The following LRPPRC variants were observed in gnomAD, a reference collection of about 807,000 sequenced individuals.
LRPPRC encodes leucine rich pentatricopeptide repeat containing, also known as leucine-rich PPR motif-containing protein, mitochondrial.
LRPPRC carries 120 observed loss-of-function variants against 180.3 expected under a neutral mutation model. That is an observed-to-expected ratio of 0.67 (90% CI 0.57 to 0.77). LRPPRC has a LOEUF of 0.77. LRPPRC is among the 30% of genes least tolerant of loss of function. The pLI is 0.00. For synonymous variants in LRPPRC, 723 were observed against 600.0 expected (o/e 1.21, Z -3.00); for missense variants, 2,012 against 1,657.2 (o/e 1.21, Z -3.72).
intron 23 of LRPPRC, 55 bp from the exon 24 acceptor site, chr2:43,934,933 C>G (rs1672224738): frequency 6.9e-7 from 1 of 1,439,688 alleles, no homozygotes; most frequent in Non-Finnish European, 9.7e-7. Context: ...AGCTTAGTCT[C>G]TTAGTAATAC....
intron 27 of LRPPRC, among the ~76,000 whole-genome samples, chr2:43,921,183 T>TG (rs1418576825): frequency 6.6e-6 from 1 of 152,024 alleles, no homozygotes; most frequent in African/African-American, 2.4e-5. Flanking sequence ...TCCCAACTAC[T>TG]GGGGTGGCTG....
At chr2:43,911,169 T>C (rs1016136447) in intron 30 of LRPPRC, among the ~76,000 whole-genome samples, 5 of 138,252 alleles carry the variant, frequency 3.6e-5, no homozygotes, top group Non-Finnish European at 6.2e-5. Flanking sequence ...TATATATATA[T>C]AAAATTTGAT....
chr2:43,940,391 A>AGT (rs1672435550), intron 23 of LRPPRC, among the ~76,000 whole-genome samples: 1 of 152,238 alleles, frequency 6.6e-6, no homozygotes, highest in South Asian at 2.1e-4. Context: ...AACATATTAA[A>AGT]GTGTTACAGT....
intron 2 of LRPPRC, among the ~76,000 whole-genome samples, chr2:43,981,739 A>G (rs1674317106): frequency 6.6e-6 from 1 of 152,178 alleles, no homozygotes; most frequent in South Asian, 2.1e-4. Flanking sequence ...CACAATCATA[A>G]CATAAATGAC....
intron 29 of LRPPRC, among the ~76,000 whole-genome samples, chr2:43,914,735 AAAG>A (rs924627717): frequency 6.6e-6 from 1 of 152,172 alleles, no homozygotes; most frequent in African/African-American, 2.4e-5. Flanking sequence ...CCTCAAAAAA[AAAG>A]AAAAGAAAAG....
At chr2:43,994,404 G>C (rs547786421) in intron 1 of LRPPRC, among the ~76,000 whole-genome samples, 1 of 152,194 alleles carries the variant, frequency 6.6e-6, no homozygotes, top group African/African-American at 2.4e-5. Context: ...GACTCCTGTA[G>C]TAACCAACAA....
chr2:43,922,520 G>A (rs1459394404), intron 27 of LRPPRC, among the ~76,000 whole-genome samples: 1 of 152,100 alleles, frequency 6.6e-6, no homozygotes, highest in Non-Finnish European at 1.5e-5. Context: ...AAAGCATAAT[G>A]AGGCCAAGGC....
At chr2:43,979,544 A>C (rs1674211325) in intron 3 of LRPPRC, among the ~76,000 whole-genome samples, 1 of 152,220 alleles carries the variant, frequency 6.6e-6, no homozygotes, top group Non-Finnish European at 1.5e-5. Context: ...CTGCTCGGTC[A>C]AATGGTATGT....
At chr2:43,926,065 T>C in intron 25 of LRPPRC, 104 bp from the exon 26 acceptor site, 2 of 715,132 alleles carry the variant, frequency 2.8e-6, no homozygotes, top group South Asian at 1.5e-5. Flanking sequence ...CTGCCAAATA[T>C]ATATACTAAA....
Position 43,926,020 on chromosome 2 carries a change from T to C in LRPPRC, c.2737-59A>G. The stretch of plus-strand genomic sequence containing the variant: ...TAAGGCTTCGGCTGAATATTATTTT[T>C]TTCCTCAAAGACAGTTTCTTTTCTT... On this transcript the variant is annotated intron_variant, in intron 25 of 37. Transcript: ENST00000260665. The C allele has an allele frequency of 3.0e-6, 3 of 1,013,354 alleles. No homozygotes were observed. The South Asian group carries it at 3.8e-5, about 13-fold the overall frequency. The allele number at this position is 1,013,354 out of a possible 1,614,324, so 62.8% of individuals were successfully genotyped here. A position where few individuals can be genotyped will look rare whatever the true frequency, so the allele number is the denominator to read the frequency against.
chr2:43,905,920 CT>C (rs1266179764), intron 30 of LRPPRC, 140 bp from the exon 31 acceptor site: 1 of 709,108 alleles, frequency 1.4e-6, no homozygotes, highest in African/African-American at 1.8e-5. Context: ...CTGGAGACAG[CT>C]TTTGTGTTAT....
chr2:43,976,875 A>G (rs1415734105), intron 5 of LRPPRC, 119 bp downstream of exon 5: 5 of 792,188 alleles, frequency 6.3e-6, no homozygotes, highest in African/African-American at 3.4e-5. Flanking sequence ...TTCTAGATTA[A>G]AACAGTTCTG....
chr2:43,956,510 T>C (rs1315969169), intron 14 of LRPPRC, among the ~76,000 whole-genome samples: 4 of 151,796 alleles, frequency 2.6e-5, no homozygotes, highest in African/African-American at 9.7e-5. Flanking sequence ...TGTGTGTGTG[T>C]GTGTAGGTAC....
At chr2:43,929,036 A>G (rs546569313) in intron 25 of LRPPRC, among the ~76,000 whole-genome samples, 2 of 152,358 alleles carry the variant, frequency 1.3e-5, no homozygotes, top group South Asian at 4.1e-4. Context: ...AATGTTAAGG[A>G]AATTGTAAGA....
intron 14 of LRPPRC, among the ~76,000 whole-genome samples, chr2:43,956,163 TAAA>T (rs1200617089): frequency 6.6e-6 from 1 of 151,828 alleles, no homozygotes; most frequent in Non-Finnish European, 1.5e-5. Context: ...CCAGTGTTAT[TAAA>T]AAACAAACAA....
intron 11 of LRPPRC, among the ~76,000 whole-genome samples, chr2:43,966,148 T>C (rs1000258812): frequency 1.3e-5 from 2 of 151,988 alleles, no homozygotes; most frequent in African/African-American, 4.8e-5. Flanking sequence ...AATCCTGTCA[T>C]TTACAACAAC....
rs1030188294 is a variant in LRPPRC, at chr2:43,969,948, T to C, written c.1369+3659A>G. Among the ~76,000 whole-genome samples, 6 of 152,252 alleles carry C rather than the reference T, an allele frequency of 3.9e-5. No individual in the cohort carries two copies. The East Asian group carries it at 7.7e-4, about 20-fold the overall frequency. On this transcript the variant is annotated intron_variant, in intron 11 of 37. Transcript: ENST00000260665. ...ACTTCAGCCTCCCAAAGTGTTGGGA[T>C]TACAGGTGTAAGCCACCACACCCAG...
chr2:43,950,759 ACACT>A (rs199758703), intron 14 of LRPPRC, among the ~76,000 whole-genome samples, 159 bp from the exon 15 acceptor site: 2,774 of 152,320 alleles, frequency 0.018, 38 homozygotes, highest in Middle Eastern at 0.034. Flanking sequence ...AGAAAGGCTG[ACACT>A]CACCCACCTC....
At chr2:43,893,063 T>C (rs1670552323) in intron 36 of LRPPRC, among the ~76,000 whole-genome samples, 1 of 152,122 alleles carries the variant, frequency 6.6e-6, no homozygotes, top group Non-Finnish European at 1.5e-5. Flanking sequence ...GATGTGGAAA[T>C]AGCAAGACAA....
Sources: allele counts gnomAD v4.1 joint callset (sites outside exome capture counted in the v4.1 genomes callset), GRCh38; gene constraint gnomAD v4.1.1; transcripts MANE v1.5; gene names NCBI Gene and HGNC (gene_info 2026-07-23, HGNC 2026-07-21).